Variants in KCNQ3 observed in about 807,000 individuals in gnomAD.
KCNQ3 encodes the protein potassium voltage-gated channel subfamily Q member 3.
A neutral mutation model predicts 92.5 loss-of-function variants in KCNQ3; 30 were observed. The observed-to-expected ratio is 0.32, with a 90% confidence interval of 0.24 to 0.44. The LOEUF is 0.44. KCNQ3 is among the 20% of genes least tolerant of loss of function. The probability of loss-of-function intolerance (pLI) is 1.00; values close to 1 mark genes in which losing one functional copy is unlikely to be tolerated. For missense variants in KCNQ3, 913 were observed against 1,140.3 expected (o/e 0.80, Z 2.87); for synonymous variants, 450 against 468.8 (o/e 0.96, Z 0.52).
chr8:132,283,097 G>A (rs1816580679), intron 1 of KCNQ3, among the ~76,000 whole-genome samples: 2 of 144,694 alleles, frequency 1.4e-5, no homozygotes, highest in South Asian at 4.2e-4. Context: ...TCTCTCGTGT[G>A]TGTGTGTGTG....
chr8:132,418,035 T>A (rs1820867525), intron 1 of KCNQ3, among the ~76,000 whole-genome samples: 1 of 152,156 alleles, frequency 6.6e-6, no homozygotes, highest in Non-Finnish European at 1.5e-5. Flanking sequence ...CCCCCTCATC[T>A]TCCAGAGGAG....
intron 1 of KCNQ3, among the ~76,000 whole-genome samples, chr8:132,376,815 C>T (rs1318409491): frequency 6.6e-6 from 1 of 152,176 alleles, no homozygotes; most frequent in Non-Finnish European, 1.5e-5. Flanking sequence ...AGATAAGTGA[C>T]ACTGACTTAA....
intron 1 of KCNQ3, among the ~76,000 whole-genome samples, chr8:132,302,657 T>C (rs1817256241): frequency 6.6e-6 from 1 of 152,208 alleles, no homozygotes; most frequent in African/African-American, 2.4e-5. Context: ...AAACTAGGCC[T>C]GAATAGAGGC....
intron 1 of KCNQ3, among the ~76,000 whole-genome samples, chr8:132,262,753 C>T (rs925681048): frequency 6.6e-6 from 1 of 151,916 alleles, no homozygotes; most frequent in African/African-American, 2.4e-5. Context: ...CTGTTACACC[C>T]GTCTTGGACA....
intron 1 of KCNQ3, among the ~76,000 whole-genome samples, chr8:132,347,210 G>C (rs748878181): frequency 3.3e-5 from 5 of 152,186 alleles, no homozygotes; most frequent in Admixed American, 3.3e-4. Flanking sequence ...AATAGCCATT[G>C]ATTCTAATCC....
chr8:132,351,943 C>T (rs1012515074), intron 1 of KCNQ3, among the ~76,000 whole-genome samples: 5 of 152,082 alleles, frequency 3.3e-5, no homozygotes. Context: ...TTCAAATTAC[C>T]CCCACCGCAC....
At chr8:132,299,421 A>G (rs1563847804) in intron 1 of KCNQ3, among the ~76,000 whole-genome samples, 1 of 152,148 alleles carries the variant, frequency 6.6e-6, no homozygotes, top group Non-Finnish European at 1.5e-5. Context: ...TTGTATTCAT[A>G]TGAAAGCTGG....
intron 1 of KCNQ3, among the ~76,000 whole-genome samples, chr8:132,437,968 T>C (rs1821439363): frequency 6.6e-6 from 1 of 152,224 alleles, no homozygotes; most frequent in Non-Finnish European, 1.5e-5. Flanking sequence ...TTCCATTGAG[T>C]GACTGCTACA....
chr8:132,282,640 G>A (rs1469115551), intron 1 of KCNQ3, among the ~76,000 whole-genome samples: 1 of 152,104 alleles, frequency 6.6e-6, no homozygotes, highest in Non-Finnish European at 1.5e-5. Flanking sequence ...CTTTGCCAGG[G>A]CTGCTTGGCA....
At chr8:132,383,716 G>A (rs73708438) in intron 1 of KCNQ3, among the ~76,000 whole-genome samples, 6,256 of 152,208 alleles carry the variant, frequency 0.041, 440 homozygotes, top group African/African-American at 0.14. Context: ...TTGTGGATGC[G>A]GATCGGGACA....
intron 1 of KCNQ3, among the ~76,000 whole-genome samples, chr8:132,232,266 C>A (rs1814668648): frequency 6.6e-6 from 1 of 152,134 alleles, no homozygotes; most frequent in South Asian, 2.1e-4. Context: ...ACCAAGGGGT[C>A]TTGTTAAATG....
At chr8:132,283,821 TC>T (rs1400187378) in intron 1 of KCNQ3, among the ~76,000 whole-genome samples, 1 of 152,258 alleles carries the variant, frequency 6.6e-6, no homozygotes, top group Admixed American at 6.5e-5. Context: ...ATAAACTGGT[TC>T]CTGATAGCAC....
intron 1 of KCNQ3, among the ~76,000 whole-genome samples, chr8:132,406,219 G>A (rs1226736927): frequency 6.6e-6 from 1 of 152,170 alleles, no homozygotes; most frequent in Non-Finnish European, 1.5e-5. Context: ...TGGGGTGGTG[G>A]TGAGGGTGCC....
At chr8:132,348,942 G>A (rs920580662) in intron 1 of KCNQ3, among the ~76,000 whole-genome samples, 2 of 152,134 alleles carry the variant, frequency 1.3e-5, no homozygotes, top group Non-Finnish European at 2.9e-5. Flanking sequence ...CTGTACCCTC[G>A]GGGCCCACCT....
chr8:132,316,569 G>A (rs117815207), intron 1 of KCNQ3, among the ~76,000 whole-genome samples: 4 of 152,348 alleles, frequency 2.6e-5, no homozygotes, highest in Non-Finnish European at 5.9e-5. Context: ...AGCCCAGAGT[G>A]ATTGTGAAAT....
chr8:132,128,501 T>TTGTGTGTGTGTGTGTG lies in KCNQ3; in HGVS notation c.*760_*761insCACACACACACACACA, dbSNP rs886062682. The TTGTGTGTGTGTGTGTG allele has an allele frequency of 2.6e-5, 3 of 116,934 alleles. No homozygotes were observed. Among genetic ancestry groups the TTGTGTGTGTGTGTGTG allele is most frequent in the African/African-American group, 9.5e-5 (3 of 31,710 alleles). The allele number at this position is 116,934 out of a possible 1,614,324, so 7.2% of individuals were successfully genotyped here. A position where few individuals can be genotyped will look rare whatever the true frequency, so the allele number is the denominator to read the frequency against. On this transcript the variant is annotated 3_prime_UTR_variant, in exon 15 of 15. Coordinates refer to ENST00000388996, the MANE Select transcript of KCNQ3 (RefSeq NM_004519.4). ...ACATAAATTGGAAACTATTTTAACT[T>TTGTGTGTGTGTGTGTG]TGTGTATGTGTGTGTGTGTGTGTGT...
At chr8:132,187,954 G>C (rs79242837) in intron 1 of KCNQ3, among the ~76,000 whole-genome samples, 19 of 150,742 alleles carry the variant, frequency 1.3e-4, no homozygotes, top group African/African-American at 2.7e-4. Context: ...GGTGGTGGTT[G>C]TGATGATGGT....
At chr8:132,370,177 C>T (rs1326637893) in intron 1 of KCNQ3, among the ~76,000 whole-genome samples, 3 of 152,160 alleles carry the variant, frequency 2.0e-5, no homozygotes, top group African/African-American at 7.2e-5. Flanking sequence ...ACAATGACCA[C>T]ACACAGGAAG....
At chr8:132,217,932 C>A (rs1229516665) in intron 1 of KCNQ3, among the ~76,000 whole-genome samples, 1 of 152,096 alleles carries the variant, frequency 6.6e-6, no homozygotes, top group African/African-American at 2.4e-5. Context: ...CTGCCAGGCT[C>A]CTCGAAAAAC....
Sources: gnomAD v4.1 joint callset for allele counts (sites outside exome capture counted in the v4.1 genomes callset) on GRCh38, gnomAD v4.1.1 for gene constraint, MANE v1.5 for transcripts, NCBI Gene and HGNC (gene_info 2026-07-23, HGNC 2026-07-21) for gene names.